The following SRPK2 variants were observed in gnomAD, a reference collection of about 807,000 sequenced individuals.
The protein encoded by SRPK2 is SFRS protein kinase 2.
Under a neutral mutation model 90.8 loss-of-function variants are expected in SRPK2, and 21 were observed. The observed-to-expected ratio is 0.23, with a 90% CI of 0.16 to 0.33. SRPK2 has a LOEUF of 0.33. SRPK2 is among the 10% of genes least tolerant of loss of function. The probability of loss-of-function intolerance (pLI) is 1.00; values close to 1 mark genes in which losing one functional copy is unlikely to be tolerated. For synonymous variants in SRPK2, 288 were observed against 311.1 expected (o/e 0.93, Z 0.78); for missense variants, 620 against 869.0 (o/e 0.71, Z 3.60).
chr7:105,166,663 A>T (rs1362503762), intron 6 of SRPK2, among the ~76,000 whole-genome samples: 2 of 152,246 alleles, frequency 1.3e-5, no homozygotes, highest in African/African-American at 4.8e-5. Flanking sequence ...GGTATTTTCG[A>T]TCAAGCACTG....
chr7:105,309,509 A>G (rs1811481217), intron 2 of SRPK2, among the ~76,000 whole-genome samples: 1 of 152,220 alleles, frequency 6.6e-6, no homozygotes, highest in African/African-American at 2.4e-5. Flanking sequence ...TTAAGGCTCT[A>G]TCCTTAATTA....
chr7:105,282,690 G>A (rs1048893698), intron 2 of SRPK2, among the ~76,000 whole-genome samples: 6 of 152,272 alleles, frequency 3.9e-5, no homozygotes, highest in African/African-American at 1.4e-4. Flanking sequence ...TCGGGGGACT[G>A]AGGCATGAGA....
At chr7:105,166,533 T>C (rs1790091347) in intron 6 of SRPK2, among the ~76,000 whole-genome samples, 1 of 152,244 alleles carries the variant, frequency 6.6e-6, no homozygotes, top group Non-Finnish European at 1.5e-5. Flanking sequence ...GGATCAATTA[T>C]GGCCAGACCA....
At chr7:105,355,122 C>T (rs1817631773) in intron 2 of SRPK2, among the ~76,000 whole-genome samples, 1 of 152,158 alleles carries the variant, frequency 6.6e-6, no homozygotes, top group Admixed American at 6.5e-5. Flanking sequence ...GGATATGCTA[C>T]ATTTTGTTTA....
chr7:105,301,894 C>T, intron 2 of SRPK2: 4 of 1,601,052 alleles, frequency 2.5e-6, no homozygotes, highest in East Asian at 2.2e-5. Flanking sequence ...CATCGATAAG[C>T]AATATCATCT....
chr7:105,158,255 CTTTT>C lies in SRPK2; in HGVS notation c.621+2248_621+2251del, dbSNP rs536737479. 1.7e-3 allele frequency among the ~76,000 whole-genome samples: 240 copies of C among 144,762 alleles called. 1 individual carries two copies. Among genetic ancestry groups the C allele is most frequent in the African/African-American group, 5.7e-3 (227 of 40,014 alleles). 95.0% of individuals were successfully genotyped at this position (144,762 alleles called of 152,430 possible). ...GTCAATGGCTCATCTGTGAATTCAC[CTTTT>C]TTTTTTTTTCCCTGAGATGGAGTCT... On this transcript the variant is annotated intron_variant, in intron 7 of 15. Transcript: ENST00000393651.
intron 2 of SRPK2, among the ~76,000 whole-genome samples, chr7:105,369,017 G>C (rs904531094): frequency 6.6e-6 from 1 of 151,916 alleles, no homozygotes; most frequent in African/African-American, 2.4e-5. Flanking sequence ...CACCCCAATG[G>C]ACAAGGGGAA....
intron 2 of SRPK2, among the ~76,000 whole-genome samples, chr7:105,372,950 A>G (rs186434787): frequency 5.3e-5 from 8 of 152,194 alleles, no homozygotes; most frequent in Admixed American, 5.2e-4. Context: ...TTAGCTGGGC[A>G]TGGTGTCATG....
rs972488483 is a variant in SRPK2 at position 105,266,922 on chromosome 7, T to TCTA, written c.72-63140_72-63138dup. Among the ~76,000 whole-genome samples, 37 of 152,192 alleles carry TCTA rather than the reference T, an allele frequency of 2.4e-4. 1 individual carries two copies. The highest frequency in any genetic ancestry group is 3.9e-4 in the Admixed American group (6 of 15,274). ...GAGAGTACCTTCTTGTTGTAATATATCTACATTAACGAAACAACTTCTATG... is the reference window on the plus strand; with the variant it reads ...GAGAGTACCTTCTTGTTGTAATATATCTACTACATTAACGAAACAACTTCTATG... On this transcript the variant is annotated intron_variant, in intron 2 of 15. Coordinates refer to ENST00000393651, the MANE Select transcript of SRPK2 (RefSeq NM_182692.3).
At chr7:105,374,487 A>T (rs1320942995) in intron 2 of SRPK2, among the ~76,000 whole-genome samples, 1 of 152,246 alleles carries the variant, frequency 6.6e-6, no homozygotes, top group East Asian at 1.9e-4. Flanking sequence ...CACTGAAGTA[A>T]TACCATGCCA....
intron 15 of SRPK2, among the ~76,000 whole-genome samples, chr7:105,122,312 TTTATAC>T (rs1407162408): frequency 6.6e-6 from 1 of 152,192 alleles, no homozygotes; most frequent in East Asian, 1.9e-4. Flanking sequence ...AATTTAAAAA[TTTATAC>T]TTAAACTTTC....
chr7:105,388,564 C>A, intron 2 of SRPK2, 84 bp downstream of exon 2: 3 of 1,289,666 alleles, frequency 2.3e-6, no homozygotes, highest in East Asian at 3.0e-5. Flanking sequence ...GGCCCGGGGA[C>A]CCGGACAACT....
At position 105,132,995 on chromosome 7, in the gene SRPK2, T is replaced by C; in HGVS notation, c.1644+9A>G. ...AGACCAAAGGTTTTAGAAAGAAAAC[T>C]CTACTTACCACCCAACAAGCATTTC... On this transcript the variant is annotated intron_variant, in intron 12 of 15. Coordinates refer to ENST00000393651, the MANE Select transcript of SRPK2 (RefSeq NM_182692.3). 5 of 1,614,072 alleles carry C rather than the reference T, an allele frequency of 3.1e-6. No homozygotes were observed. The highest frequency in any genetic ancestry group is 4.2e-6 in the Non-Finnish European group (5 of 1,179,934).
intron 2 of SRPK2, among the ~76,000 whole-genome samples, chr7:105,225,241 G>A (rs1798575801): frequency 1.3e-5 from 2 of 152,126 alleles, no homozygotes; most frequent in Admixed American, 1.3e-4. Flanking sequence ...AATAAAATCT[G>A]ACTTGCTTTT....
chr7:105,343,671 T>C (rs938782552), intron 2 of SRPK2, among the ~76,000 whole-genome samples: 1 of 152,258 alleles, frequency 6.6e-6, no homozygotes, highest in African/African-American at 2.4e-5. Flanking sequence ...ACTTTGTGTT[T>C]CAATATTCTG....
chr7:105,146,931 C>T (rs576961043), intron 7 of SRPK2, among the ~76,000 whole-genome samples: 8 of 152,276 alleles, frequency 5.3e-5, no homozygotes, highest in African/African-American at 1.9e-4. Flanking sequence ...CAGGTTTGAA[C>T]TGCATGGGTT....
intron 2 of SRPK2, among the ~76,000 whole-genome samples, chr7:105,342,303 G>A (rs913766472): frequency 1.3e-5 from 2 of 151,102 alleles, no homozygotes; most frequent in South Asian, 2.1e-4. Context: ...CAGCCTGGGC[G>A]ACAAGAGCAA....
At chr7:105,138,284 C>G (rs563426364) in intron 11 of SRPK2, among the ~76,000 whole-genome samples, 1 of 152,290 alleles carries the variant, frequency 6.6e-6, no homozygotes, top group East Asian at 1.9e-4. Context: ...TCCAAGAGTT[C>G]ACATTCTAAT....
chr7:105,195,102 T>G (rs188054002), intron 3 of SRPK2, among the ~76,000 whole-genome samples: 73 of 152,322 alleles, frequency 4.8e-4, no homozygotes, highest in Non-Finnish European at 7.5e-4. Flanking sequence ...CAGGCTGGAG[T>G]GCAGTGGCGC....
Sources: gnomAD v4.1 joint callset for allele counts (sites outside exome capture counted in the v4.1 genomes callset) on GRCh38, gnomAD v4.1.1 for gene constraint, MANE v1.5 for transcripts, NCBI Gene and HGNC (gene_info 2026-07-23, HGNC 2026-07-21) for gene names.